PTPRN2: variants seen among roughly 807,000 people sequenced by gnomAD.
The protein encoded by PTPRN2 is protein tyrosine phosphatase receptor type N2.
In PTPRN2, 74 loss-of-function variants were observed where a neutral mutation model predicts 118.8. The observed-to-expected ratio is 0.62, with a 90% CI of 0.52 to 0.76. The LOEUF is 0.76. Among genes scored for constraint, PTPRN2 ranks in the 30% least tolerant of loss-of-function variants. The pLI, the probability that PTPRN2 is intolerant of heterozygous loss-of-function variation, is 0.00. For synonymous variants in PTPRN2, 641 were observed against 608.0 expected (o/e 1.05, Z -0.80); for missense variants, 1,481 against 1,394.4 (o/e 1.06, Z -0.99).
At chr7:158,368,755 G>C (rs138305604) in intron 2 of PTPRN2, among the ~76,000 whole-genome samples, 64 of 152,236 alleles carry the variant, frequency 4.2e-4, no homozygotes, top group African/African-American at 1.5e-3. Context: ...CACCATCCTC[G>C]ACCCCCCAAG....
At chr7:158,043,225 T>C (rs28368286) in intron 11 of PTPRN2, among the ~76,000 whole-genome samples, 82,532 of 151,482 alleles carry the variant, frequency 0.54, 23,484 homozygotes, top group African/African-American at 0.66. Context: ...ATAAAAGTAA[T>C]GTGCCATGTG....
chr7:157,867,632 C>T (rs1810792957), intron 12 of PTPRN2, among the ~76,000 whole-genome samples: 1 of 152,188 alleles, frequency 6.6e-6, no homozygotes, highest in East Asian at 1.9e-4. Flanking sequence ...ACCACCCCGC[C>T]CAGACTGAAG....
intron 11 of PTPRN2, among the ~76,000 whole-genome samples, chr7:158,066,309 C>G (rs77570013): frequency 0.053 from 8,073 of 152,280 alleles, 435 homozygotes; most frequent in African/African-American, 0.13. Flanking sequence ...AAACAGCCAC[C>G]CTTCTGGCTC....
At chr7:158,307,858 T>C (rs575609104) in intron 3 of PTPRN2, among the ~76,000 whole-genome samples, 35 of 152,298 alleles carry the variant, frequency 2.3e-4, no homozygotes, top group African/African-American at 7.5e-4. Context: ...AATTAATTCA[T>C]GTGGGTTATC....
chr7:157,763,932 A>T lies in PTPRN2; in HGVS notation c.1789-80995T>A, dbSNP rs1257502651. ...CACCTCATATTCAGTCTAACCTGTG[A>T]CCATTTTCCAAACACTCTCATGTTC... On this transcript the variant is annotated intron_variant, in intron 12 of 22. Coordinates refer to ENST00000389418, the MANE Select transcript of PTPRN2 (RefSeq NM_002847.5). The surrounding 1 kb of genome is among the most constrained non-coding windows in gnomAD (Gnocchi z 4.9). Among the ~76,000 whole-genome samples, 1 of 152,098 alleles carries T rather than the reference A, an allele frequency of 6.6e-6. No homozygotes were observed. Among genetic ancestry groups the T allele is most frequent in the Non-Finnish European group, 1.5e-5 (1 of 68,006 alleles).
At position 158,225,214 on chromosome 7, in the gene PTPRN2, T is replaced by C. The variant is rs76279791; in HGVS notation, c.278-19941A>G. On this transcript the variant is annotated intron_variant, in intron 3 of 22. Coordinates refer to ENST00000389418, the MANE Select transcript of PTPRN2 (RefSeq NM_002847.5). ...ATATACTTATCATAAGACACAAAAA[T>C]TGAACCCCTGACCATTCATCCCAAA... Among the ~76,000 whole-genome samples the C allele has an allele frequency of 0.01, 1,585 of 152,128 alleles. 86 individuals carry two copies. The East Asian group carries it at 0.17, about 16-fold the overall frequency.
chr7:158,267,828 G>A (rs181266386), intron 3 of PTPRN2, among the ~76,000 whole-genome samples: 1 of 152,304 alleles, frequency 6.6e-6, no homozygotes, highest in East Asian at 1.9e-4. Flanking sequence ...TACAGCAAGA[G>A]CTCTGGGCAT....
intron 1 of PTPRN2, among the ~76,000 whole-genome samples, chr7:158,494,016 G>T (rs1216609455): frequency 6.6e-6 from 1 of 152,222 alleles, no homozygotes; most frequent in Non-Finnish European, 1.5e-5. Flanking sequence ...CCATTGTGGT[G>T]CCCCTTTTTT....
chr7:158,319,426 A>C (rs1166440919), intron 2 of PTPRN2, among the ~76,000 whole-genome samples: 12 of 115,758 alleles, frequency 1.0e-4, no homozygotes, highest in South Asian at 3.0e-4. Context: ...TCCCACACAC[A>C]CACACACACA....
intron 14 of PTPRN2, among the ~76,000 whole-genome samples, chr7:157,643,654 C>T (rs1041379428): frequency 6.6e-5 from 10 of 152,344 alleles, no homozygotes; most frequent in Admixed American, 5.9e-4. Context: ...CTTGCACAGC[C>T]GCTGCTGCCT....
chr7:158,193,755 C>G (rs1825969790), intron 4 of PTPRN2, among the ~76,000 whole-genome samples: 3 of 152,058 alleles, frequency 2.0e-5, no homozygotes. Context: ...CCACGGAGGC[C>G]TTTGCTTTTT....
chr7:157,799,967 C>T (rs1215111155), intron 12 of PTPRN2, among the ~76,000 whole-genome samples: 1 of 151,106 alleles, frequency 6.6e-6, no homozygotes, highest in Non-Finnish European at 1.5e-5. Context: ...CCTCCTTTGT[C>T]CCTCAGAGGT....
chr7:158,481,289 A>C (rs1212987309), intron 2 of PTPRN2, among the ~76,000 whole-genome samples: 1 of 152,224 alleles, frequency 6.6e-6, no homozygotes, highest in Non-Finnish European at 1.5e-5. Flanking sequence ...TAAGCCCACT[A>C]TTGAGACCTA....
chr7:158,070,807 GTGGTGA>G (rs1811294448), intron 11 of PTPRN2, among the ~76,000 whole-genome samples: 7 of 126,166 alleles, frequency 5.5e-5, no homozygotes, highest in African/African-American at 2.0e-4. Context: ...GGTGCCCGTG[GTGGTGA>G]AGGTGCCCGT....
intron 2 of PTPRN2, among the ~76,000 whole-genome samples, chr7:158,445,618 CAAT>C (rs540632507): frequency 7.9e-5 from 12 of 152,364 alleles, no homozygotes; most frequent in African/African-American, 2.6e-4. Flanking sequence ...CGTCCTCCAA[CAAT>C]GAGTGGGCAA....
At chr7:157,712,090 A>G (rs1798670809) in intron 12 of PTPRN2, among the ~76,000 whole-genome samples, 1 of 32,438 alleles carries the variant, frequency 3.1e-5, no homozygotes, top group Non-Finnish European at 5.6e-5. Flanking sequence ...TGGGGGCACC[A>G]TGAGTGGGGG....
intron 11 of PTPRN2, among the ~76,000 whole-genome samples, chr7:157,981,384 G>A (rs149765657): frequency 3.2e-4 from 43 of 133,908 alleles, no homozygotes; most frequent in South Asian, 1.3e-3. Context: ...ATTCCGGGAC[G>A]GGTGAAACTG....
chr7:158,267,322 G>A lies in PTPRN2; in HGVS notation c.277+49497C>T, dbSNP rs551957611. On this transcript the variant is annotated intron_variant, in intron 3 of 22. Coordinates refer to ENST00000389418, the MANE Select transcript of PTPRN2 (RefSeq NM_002847.5). ...AGAGCTGGTTCCCGCGGGGAACCCCGGGGGCGTGGTGCTCACAGCAACCTT... is the reference window on the plus strand; with the variant it reads ...AGAGCTGGTTCCCGCGGGGAACCCCAGGGGCGTGGTGCTCACAGCAACCTT... Among the ~76,000 whole-genome samples the A allele has an allele frequency of 1.4e-4, 21 of 152,260 alleles. No homozygotes were observed. In the South Asian group the frequency reaches 2.7e-3, roughly 20 times the overall value.
At chr7:158,321,957 C>G (rs578259562) in intron 2 of PTPRN2, among the ~76,000 whole-genome samples, 4 of 152,190 alleles carry the variant, frequency 2.6e-5, no homozygotes, top group Admixed American at 6.5e-5. Context: ...AGACACTGCC[C>G]GTGCCTCTGC....
Sources: allele counts gnomAD v4.1 joint callset (sites outside exome capture counted in the v4.1 genomes callset), GRCh38; gene constraint gnomAD v4.1.1; non-coding constraint Gnocchi (gnomAD v3.1); transcripts MANE v1.5; gene names NCBI Gene and HGNC (gene_info 2026-07-23, HGNC 2026-07-21).